SORCS2: variants seen among roughly 807,000 people sequenced by gnomAD.
The protein encoded by SORCS2 is VPS10 domain-containing receptor SorCS2.
A neutral mutation model predicts 141.6 loss-of-function variants in SORCS2; 100 were observed. The ratio of observed to expected loss-of-function variants is 0.71; its 90% confidence interval spans 0.60 to 0.83. The LOEUF is 0.83. Among genes scored for constraint, SORCS2 ranks in the 40% least tolerant of loss-of-function variants. The probability of loss-of-function intolerance (pLI) is 0.00; values close to 1 mark genes in which losing one functional copy is unlikely to be tolerated. For synonymous variants in SORCS2, 789 were observed against 676.9 expected, an observed-to-expected ratio of 1.17 and a Z score of -2.57; for missense variants, 1,646 against 1,560.2, an observed-to-expected ratio of 1.05 and a Z score of -0.93.
chr4:7,520,350 C>T (rs1179012673), intron 2 of SORCS2, among the ~76,000 whole-genome samples: 7 of 152,166 alleles, frequency 4.6e-5, no homozygotes, highest in African/African-American at 9.7e-5. Flanking sequence ...ACACAGTTGG[C>T]GAAGAGTAAA....
chr4:7,229,359 C>T (rs559872388), intron 1 of SORCS2, among the ~76,000 whole-genome samples: 1 of 151,640 alleles, frequency 6.6e-6, no homozygotes, highest in Admixed American at 6.6e-5. Flanking sequence ...GATCTCGGTG[C>T]CAATTTCTTA....
intron 1 of SORCS2, among the ~76,000 whole-genome samples, chr4:7,302,746 G>A (rs1182429999): frequency 7.7e-6 from 1 of 129,694 alleles, no homozygotes; most frequent in African/African-American, 2.7e-5. Flanking sequence ...AGCAGTGTCC[G>A]GCATCTAGTA....
chr4:7,706,322 CCG>C (rs1468557363), intron 14 of SORCS2, among the ~76,000 whole-genome samples: 6,338 of 133,584 alleles, frequency 0.047, 2,258 homozygotes, highest in Admixed American at 0.07. Flanking sequence ...AGGCTGGGCT[CCG>C]TCTGGGCAGG....
chr4:7,261,743 G>A (rs549057804), intron 1 of SORCS2, among the ~76,000 whole-genome samples: 4 of 152,284 alleles, frequency 2.6e-5, no homozygotes, highest in East Asian at 3.9e-4. Flanking sequence ...AAAACACCTC[G>A]GGACCGGCCT....
chr4:7,583,368 A>G (rs1486896553), intron 3 of SORCS2, among the ~76,000 whole-genome samples: 3 of 152,168 alleles, frequency 2.0e-5, no homozygotes, highest in African/African-American at 7.2e-5. Context: ...CTCCTGCTAG[A>G]AAAAAACCCT....
chr4:7,331,482 C>T (rs1560198250), intron 1 of SORCS2, among the ~76,000 whole-genome samples: 1 of 152,098 alleles, frequency 6.6e-6, no homozygotes, highest in African/African-American at 2.4e-5. Context: ...ACTGCGGTCC[C>T]CTAAGAGACC....
intron 3 of SORCS2, among the ~76,000 whole-genome samples, chr4:7,582,928 T>G (rs1716257216): frequency 6.6e-6 from 1 of 152,108 alleles, no homozygotes; most frequent in African/African-American, 2.4e-5. Context: ...TTGGGTCAGA[T>G]CCCCACCCAC....
rs186467105 is a variant in SORCS2 at position 7,271,210 on chromosome 4, C to G, written c.480+78084C>G. 3.0e-3 allele frequency among the ~76,000 whole-genome samples: 458 copies of G among 152,332 alleles called. 2 individuals are homozygous for G. Among genetic ancestry groups the G allele is most frequent in the African/African-American group, 0.01 (417 of 41,574 alleles). ...AGAAGGACCCTGTCAAAACATCACC[C>G]TCTGCCCTGGGGATGTCGCTCCTCC... On this transcript the variant is annotated intron_variant, in intron 1 of 26. Coordinates refer to ENST00000507866, the MANE Select transcript of SORCS2 (RefSeq NM_020777.3).
At chr4:7,535,027 CCCT>C (rs1009842240) in intron 3 of SORCS2, among the ~76,000 whole-genome samples, 6 of 152,160 alleles carry the variant, frequency 3.9e-5, no homozygotes, top group African/African-American at 1.4e-4. Flanking sequence ...CTCCCGTGGG[CCCT>C]CCTCCTCCTG....
At chr4:7,527,896 TG>T (rs953435865) in intron 2 of SORCS2, among the ~76,000 whole-genome samples, 2 of 152,166 alleles carry the variant, frequency 1.3e-5, no homozygotes, top group Non-Finnish European at 2.9e-5. Flanking sequence ...GGGGGCAGCC[TG>T]GGGGGCTGAG....
At chr4:7,621,816 T>C (rs921582921) in intron 3 of SORCS2, among the ~76,000 whole-genome samples, 15 of 152,338 alleles carry the variant, frequency 9.8e-5, no homozygotes, top group African/African-American at 3.4e-4. Context: ...CTGGGTAAGA[T>C]GCTCACCTCT....
At chr4:7,672,415 G>A (rs1212714368) in intron 8 of SORCS2, among the ~76,000 whole-genome samples, 1 of 152,076 alleles carries the variant, frequency 6.6e-6, no homozygotes, top group East Asian at 1.9e-4. Context: ...TGAAGGTGTT[G>A]GTTCATTAGA....
At chr4:7,378,844 T>G (rs1398170978) in intron 1 of SORCS2, among the ~76,000 whole-genome samples, 1 of 152,182 alleles carries the variant, frequency 6.6e-6, no homozygotes, top group Non-Finnish European at 1.5e-5. Context: ...CCAGGCCCAT[T>G]CTGTGACCCT....
intron 1 of SORCS2, among the ~76,000 whole-genome samples, chr4:7,220,731 C>G (rs944251347): frequency 6.6e-6 from 1 of 152,122 alleles, no homozygotes; most frequent in African/African-American, 2.4e-5. Context: ...GTGGGGTGGC[C>G]TCTCCAGGTG....
At chr4:7,389,043 C>A (rs1264325538) in intron 1 of SORCS2, among the ~76,000 whole-genome samples, 1 of 152,232 alleles carries the variant, frequency 6.6e-6, no homozygotes, top group Non-Finnish European at 1.5e-5. Context: ...GCGGTTCTGC[C>A]CGTGCCCCAC....
chr4:7,586,989 A>G (rs1716578649), intron 3 of SORCS2, among the ~76,000 whole-genome samples: 1 of 151,966 alleles, frequency 6.6e-6, no homozygotes, highest in African/African-American at 2.4e-5. Context: ...TACATGCAGG[A>G]GAGTGACAGA....
At chr4:7,575,874 G>T (rs1192536117) in intron 3 of SORCS2, among the ~76,000 whole-genome samples, 1 of 152,214 alleles carries the variant, frequency 6.6e-6, no homozygotes, top group Admixed American at 6.5e-5. Context: ...TTTGTAGTGG[G>T]CGAAGGAAGG....
At chr4:7,631,696 A>G (rs1719907272) in intron 3 of SORCS2, among the ~76,000 whole-genome samples, 1 of 152,066 alleles carries the variant, frequency 6.6e-6, no homozygotes, top group Admixed American at 6.5e-5. Context: ...GGGGGTCCAC[A>G]CCTATGGACT....
At chr4:7,507,114 C>A (rs1049481501) in intron 2 of SORCS2, among the ~76,000 whole-genome samples, 9 of 152,170 alleles carry the variant, frequency 5.9e-5, no homozygotes, top group African/African-American at 2.2e-4. Context: ...TAGACCCAAC[C>A]TTTATCCTTA....
Sources: gnomAD v4.1 joint callset for allele counts (sites outside exome capture counted in the v4.1 genomes callset) on GRCh38, gnomAD v4.1.1 for gene constraint, MANE v1.5 for transcripts, NCBI Gene and HGNC (gene_info 2026-07-23, HGNC 2026-07-21) for gene names.